KCNK3: variants seen among roughly 807,000 people sequenced by gnomAD.
The protein encoded by KCNK3 is potassium two pore domain channel subfamily K member 3, also known as potassium channel subfamily K member 3.
A neutral mutation model predicts 27.3 loss-of-function variants in KCNK3; 9 were observed. The ratio of observed to expected loss-of-function variants is 0.33; its 90% CI spans 0.20 to 0.57. The LOEUF (loss-of-function observed/expected upper bound fraction) is 0.57, where lower values mean the gene tolerates loss of function less well. Ranked by LOEUF, KCNK3 falls within the 20% of genes least tolerant of loss-of-function variation. The probability of loss-of-function intolerance (pLI) is 0.87; values close to 1 mark genes in which losing one functional copy is unlikely to be tolerated. For missense variants in KCNK3, 391 were observed against 577.7 expected (o/e 0.68, Z 3.31); for synonymous variants, 278 against 273.8 (o/e 1.02, Z -0.15).
At chr2:26,696,168 G>T (rs1263634465) in intron 1 of KCNK3, among the ~76,000 whole-genome samples, 1 of 152,204 alleles carries the variant, frequency 6.6e-6, no homozygotes, top group Non-Finnish European at 1.5e-5. Flanking sequence ...CCCATCATTT[G>T]CTACCTTAGT....
intron 1 of KCNK3, among the ~76,000 whole-genome samples, chr2:26,720,299 A>G (rs1663305107): frequency 6.6e-6 from 1 of 152,182 alleles, no homozygotes; most frequent in Non-Finnish European, 1.5e-5. Flanking sequence ...GGGTTGAACT[A>G]CGTTGTCACA....
chr2:26,697,238 C>T (rs1398177861), intron 1 of KCNK3, among the ~76,000 whole-genome samples: 1 of 152,182 alleles, frequency 6.6e-6, no homozygotes, highest in Non-Finnish European at 1.5e-5. Context: ...GTGGCTGACA[C>T]CGGTAATCCC....
chr2:26,719,038 G>A (rs978142630), intron 1 of KCNK3, among the ~76,000 whole-genome samples: 1 of 152,142 alleles, frequency 6.6e-6, no homozygotes, highest in Admixed American at 6.6e-5. Flanking sequence ...GCACTTTAAT[G>A]GTCACACAAT....
rs1558592806 is a variant in KCNK3, at chr2:26,693,817, C to T, written c.283+659C>T. On this transcript the variant is annotated intron_variant, in intron 1 of 1. Transcript: ENST00000302909. The surrounding 1 kb of genome is among the most constrained non-coding windows in gnomAD (Gnocchi z 5.5). ...CTGTCCCAGCAAAACAGTCACCTCA[C>T]AGGAATAACCCCAGTTCTTTCCAAG... is the stretch of plus-strand genomic sequence containing the variant. Among the ~76,000 whole-genome samples, 1 of 152,190 alleles carries T rather than the reference C, an allele frequency of 6.6e-6. No homozygotes were observed. The highest frequency in any genetic ancestry group is 1.5e-5 in the Non-Finnish European group (1 of 68,030).
At chr2:26,714,111 T>C (rs116665804) in intron 1 of KCNK3, among the ~76,000 whole-genome samples, 1 of 150,814 alleles carries the variant, frequency 6.6e-6, no homozygotes, top group Non-Finnish European at 1.5e-5. Context: ...GAAAGAAACA[T>C]GTATGTGTTA....
intron 1 of KCNK3, among the ~76,000 whole-genome samples, chr2:26,722,405 C>G (rs932397671): frequency 2.0e-5 from 3 of 152,216 alleles, no homozygotes; most frequent in African/African-American, 7.2e-5. Flanking sequence ...TTATTGATCT[C>G]AATGTCCTAA....
In KCNK3 at chr2:26,697,449, G is replaced by A. The variant is rs151019896; in HGVS notation, c.283+4291G>A. Among the ~76,000 whole-genome samples, 849 of 152,290 alleles carry A rather than the reference G, an allele frequency of 5.6e-3. 6 individuals carry two copies. Among genetic ancestry groups the A allele is most frequent in the Admixed American group, 0.013 (204 of 15,300 alleles). ...GAACGCAGAAGGCAGAGGCTGCAGT[G>A]AGCCGAGATCGCACCATTGCACTCC... On this transcript the variant is annotated intron_variant, in intron 1 of 1. Transcript: ENST00000302909.
At chr2:26,699,321 G>A (rs1303091831) in intron 1 of KCNK3, among the ~76,000 whole-genome samples, 2 of 152,148 alleles carry the variant, frequency 1.3e-5, no homozygotes, top group Non-Finnish European at 2.9e-5. Context: ...AGATCTTTCT[G>A]ACTGTGCCAT....
chr2:26,704,982 T>C (rs1169166598), intron 1 of KCNK3, among the ~76,000 whole-genome samples: 1 of 152,104 alleles, frequency 6.6e-6, no homozygotes, highest in African/African-American at 2.4e-5. Flanking sequence ...TCTTTTTTTT[T>C]TGGAGGCAGG....
chr2:26,710,291 C>T (rs940433455), intron 1 of KCNK3, among the ~76,000 whole-genome samples: 20 of 152,198 alleles, frequency 1.3e-4, no homozygotes, highest in African/African-American at 4.3e-4. Context: ...GAGATGCAAG[C>T]GCACAGTCCA....
intron 1 of KCNK3, 115 bp from the exon 2 acceptor site, chr2:26,727,552 G>T: frequency 2.9e-6 from 4 of 1,402,732 alleles, no homozygotes; most frequent in Non-Finnish European, 2.9e-6. Context: ...CCATCACTGT[G>T]GACCCAGACC....
At chr2:26,726,218 G>C (rs1017221892) in intron 1 of KCNK3, among the ~76,000 whole-genome samples, 1 of 151,880 alleles carries the variant, frequency 6.6e-6, no homozygotes, top group Non-Finnish European at 1.5e-5. Flanking sequence ...GGCCTCCATA[G>C]GTATGGCTGG....
At chr2:26,711,491 G>T (rs374468055) in intron 1 of KCNK3, among the ~76,000 whole-genome samples, 1 of 152,084 alleles carries the variant, frequency 6.6e-6, no homozygotes, top group African/African-American at 2.4e-5. Flanking sequence ...TGCCCTCCAC[G>T]TTTTCTGTTT....
chr2:26,701,558 G>T (rs967374277), intron 1 of KCNK3, among the ~76,000 whole-genome samples: 40 of 152,204 alleles, frequency 2.6e-4, no homozygotes, highest in African/African-American at 9.7e-4. Flanking sequence ...CGGGAAACTG[G>T]CTCCTCCCTC....
At chr2:26,724,437 C>T (rs768435440) in intron 1 of KCNK3, 5 of 208,252 alleles carry the variant, frequency 2.4e-5, no homozygotes, top group Non-Finnish European at 3.3e-5. Flanking sequence ...CAGAAAGGCC[C>T]AGTGGCCTTG....
intron 1 of KCNK3, chr2:26,724,553 T>A (rs879871608): frequency 1.2e-5 from 12 of 976,384 alleles, no homozygotes; most frequent in Non-Finnish European, 1.5e-5. Context: ...TAAAAATACA[T>A]CTGAAGGGTA....
intron 1 of KCNK3, among the ~76,000 whole-genome samples, chr2:26,727,407 C>T (rs891153714): frequency 6.6e-6 from 1 of 151,486 alleles, no homozygotes; most frequent in South Asian, 2.1e-4. Context: ...CACGGTTGTT[C>T]TGCTCCCAAG....
chr2:26,708,356 G>A (rs942424121), intron 1 of KCNK3, among the ~76,000 whole-genome samples: 3 of 152,180 alleles, frequency 2.0e-5, no homozygotes, highest in Admixed American at 1.3e-4. Context: ...GGACACTGCA[G>A]GGCCATGGAG....
At chr2:26,718,396 T>C (rs1055413128) in intron 1 of KCNK3, among the ~76,000 whole-genome samples, 1 of 152,226 alleles carries the variant, frequency 6.6e-6, no homozygotes, top group African/African-American at 2.4e-5. Context: ...CTGTACTTCC[T>C]GTTCCAAGAA....
Sources: gnomAD v4.1 joint callset for allele counts (sites outside exome capture counted in the v4.1 genomes callset) on GRCh38, gnomAD v4.1.1 for gene constraint, Gnocchi (gnomAD v3.1) non-coding constraint, MANE v1.5 for transcripts, NCBI Gene and HGNC (gene_info 2026-07-23, HGNC 2026-07-21) for gene names.